The following CTXN3 variants were observed in gnomAD, a reference collection of about 807,000 sequenced individuals.
CTXN3 encodes the protein cortexin-3.
A neutral mutation model predicts 5.0 loss-of-function variants in CTXN3; 4 were observed. The ratio of observed to expected loss-of-function variants is 0.79; its 90% confidence interval spans 0.39 to 1.82. CTXN3 has a LOEUF of 1.82. CTXN3 is among the 40% of genes most tolerant of loss of function. CTXN3 has a pLI of 0.04. For missense variants in CTXN3, 89 were observed against 99.7 expected (o/e 0.89, Z 0.46); for synonymous variants, 48 against 38.6 (o/e 1.24, Z -0.91).
At chr5:127,652,643 T>C (rs558167521) in intron 1 of CTXN3, among the ~76,000 whole-genome samples, 11 of 151,050 alleles carry the variant, frequency 7.3e-5, no homozygotes, top group African/African-American at 2.2e-4. Flanking sequence ...AGAGGAAAGA[T>C]GCTTGCCTCA....
chr5:127,656,299 T>C (rs1749905438), intron 2 of CTXN3, among the ~76,000 whole-genome samples: 1 of 152,212 alleles, frequency 6.6e-6, no homozygotes, highest in South Asian at 2.1e-4. Context: ...CTGTGTATAC[T>C]TGTCATGTAT....
At position 127,657,913 on chromosome 5, in the gene CTXN3, G is replaced by T; in HGVS notation, c.*146G>T. The T allele has an allele frequency of 1.1e-6, 1 of 946,286 alleles. No homozygotes were observed. The highest frequency in any genetic ancestry group is 2.8e-5 in the Admixed American group (1 of 35,198). The allele number at this position is 946,286 out of a possible 1,614,324, so 58.6% of individuals were successfully genotyped here. A position where few individuals can be genotyped will look rare whatever the true frequency, so the allele number is the denominator to read the frequency against. On this transcript the variant is annotated 3_prime_UTR_variant, in exon 3 of 3. Transcript: ENST00000379445. ...TCCATTATTCCATAAATATGCAGTT[G>T]GGTTAAAGACATTTGAGGATGTTGG...
At chr5:127,655,874 G>T (rs1286273646) in intron 2 of CTXN3, among the ~76,000 whole-genome samples, 2 of 152,176 alleles carry the variant, frequency 1.3e-5, no homozygotes, top group African/African-American at 2.4e-5. Flanking sequence ...CAAAAATGAT[G>T]CATTACCCGA....
intron 2 of CTXN3, among the ~76,000 whole-genome samples, chr5:127,657,046 C>T (rs940653427): frequency 1.2e-4 from 19 of 152,148 alleles, no homozygotes; most frequent in African/African-American, 4.1e-4. Flanking sequence ...CCCTCAATGG[C>T]GCTATCGTAA....
chr5:127,652,731 T>C (rs1242142275), intron 1 of CTXN3, among the ~76,000 whole-genome samples: 1 of 151,854 alleles, frequency 6.6e-6, no homozygotes, highest in African/African-American at 2.4e-5. Context: ...AACCTGGAGG[T>C]GTTAGAGCAC....
At position 127,657,515 on chromosome 5, in the gene CTXN3, C is replaced by G. The variant is rs773305250; in HGVS notation, c.-7C>G. 1.2e-6 allele frequency: 2 copies of G among 1,613,904 alleles called. No homozygotes were observed. The highest frequency in any genetic ancestry group is 1.1e-5 in the South Asian group (1 of 91,074). Reference sequence around the variant, plus strand: ...CAGGATATCCTGTGCTCTGGCTTCCCTGGACCATGGATGGAGGACAGCCCA... The same window carrying G: ...CAGGATATCCTGTGCTCTGGCTTCCGTGGACCATGGATGGAGGACAGCCCA... On this transcript the variant is annotated 5_prime_UTR_variant, in exon 3 of 3. Coordinates refer to ENST00000379445, the MANE Select transcript of CTXN3 (RefSeq NM_001048252.3).
In CTXN3 at chr5:127,658,086, T is replaced by C; in HGVS notation, c.*319T>C. ...TGCCATCAAACAAAACACCACCTGA[T>C]CTGACTAAAGAATAAAAGACTAGAA... On this transcript the variant is annotated 3_prime_UTR_variant, in exon 3 of 3. Transcript: ENST00000379445. 1 of 315,530 alleles carries C rather than the reference T, an allele frequency of 3.2e-6. No individual in the cohort carries two copies. The highest frequency in any genetic ancestry group is 3.8e-5 in the South Asian group (1 of 26,416). 19.5% of individuals were successfully genotyped at this position (315,530 alleles called of 1,614,324 possible).
intron 2 of CTXN3, chr5:127,653,841 G>C (rs1749845610): frequency 6.6e-6 from 1 of 152,090 alleles, no homozygotes; most frequent in African/African-American, 2.4e-5. Context: ...ATCAGTCCTG[G>C]GCAAAATTGT....
intron 2 of CTXN3, among the ~76,000 whole-genome samples, chr5:127,656,275 GC>G (rs535507300): frequency 7.2e-4 from 110 of 152,178 alleles, no homozygotes; most frequent in African/African-American, 2.5e-3. Context: ...AGTATCTGAA[GC>G]TTTTAACGAC....
At chr5:127,651,244 G>A (rs963358487) in intron 1 of CTXN3, among the ~76,000 whole-genome samples, 5 of 152,178 alleles carry the variant, frequency 3.3e-5, no homozygotes, top group Admixed American at 6.5e-5. Context: ...TTGCTCAATG[G>A]ATGGGCTGTT....
In CTXN3 at chr5:127,657,824, G is replaced by T. The variant is rs771072325; in HGVS notation, c.*57G>T. 1.3e-6 allele frequency: 2 copies of T among 1,595,584 alleles called. No homozygotes were observed. Among genetic ancestry groups the T allele is most frequent in the Non-Finnish European group, 1.7e-6 (2 of 1,166,932 alleles). Reference sequence around the variant, plus strand: ...ATGAAGTGCTTTGTGTCTTGGTGAGGATTCCCTTTATTTAGTGTTCTCAAC... The same window carrying T: ...ATGAAGTGCTTTGTGTCTTGGTGAGTATTCCCTTTATTTAGTGTTCTCAAC... On this transcript the variant is annotated 3_prime_UTR_variant, in exon 3 of 3. Coordinates refer to ENST00000379445, the MANE Select transcript of CTXN3 (RefSeq NM_001048252.3).
At chr5:127,656,019 G>T (rs1749899757) in intron 2 of CTXN3, among the ~76,000 whole-genome samples, 1 of 152,078 alleles carries the variant, frequency 6.6e-6, no homozygotes, top group African/African-American at 2.4e-5. Context: ...GTACTTGAAG[G>T]CAATGATTAT....
intron 1 of CTXN3, chr5:127,651,716 T>C (rs1172060194): frequency 1.3e-5 from 2 of 152,004 alleles, no homozygotes; most frequent in Admixed American, 6.6e-5. Flanking sequence ...TTGCACCCTA[T>C]TGCAAAAGGG....
chr5:127,655,406 G>T (rs937826732), intron 2 of CTXN3, among the ~76,000 whole-genome samples: 3 of 152,222 alleles, frequency 2.0e-5, no homozygotes, highest in Non-Finnish European at 4.4e-5. Flanking sequence ...AGGAGAGCAG[G>T]AATCAAAGTG....
At position 127,658,414 on chromosome 5, in the gene CTXN3, C is replaced by T. The variant is rs1253653992; in HGVS notation, c.*647C>T. On this transcript the variant is annotated 3_prime_UTR_variant, in exon 3 of 3. Coordinates refer to ENST00000379445, the MANE Select transcript of CTXN3 (RefSeq NM_001048252.3). Reference sequence around the variant, plus strand: ...TAAAAACTATTTACCAAGCCAACTACATTATATGTATTCATATTAATAACA... The same window carrying T: ...TAAAAACTATTTACCAAGCCAACTATATTATATGTATTCATATTAATAACA... 1.2e-5 allele frequency: 2 copies of T among 167,448 alleles called. No individual in the cohort carries two copies. Among genetic ancestry groups the T allele is most frequent in the East Asian group, 3.9e-4 (2 of 5,190 alleles). The allele number at this position is 167,448 out of a possible 1,614,324, so 10.4% of individuals were successfully genotyped here. A position where few individuals can be genotyped will look rare whatever the true frequency, so the allele number is the denominator to read the frequency against.
At chr5:127,655,765 G>A (rs1441067971) in intron 2 of CTXN3, among the ~76,000 whole-genome samples, 4 of 152,102 alleles carry the variant, frequency 2.6e-5, no homozygotes, top group East Asian at 1.9e-4. Context: ...TTAAAATGCG[G>A]TCAAATTTTT....
rs2126744563 is a variant in CTXN3 at position 127,657,807 on chromosome 5, C to A, written c.*40C>A. ...GATCTCCTCCTGAGGAGATGAAGTG[C>A]TTTGTGTCTTGGTGAGGATTCCCTT... On this transcript the variant is annotated 3_prime_UTR_variant, in exon 3 of 3. Transcript: ENST00000379445. The A allele has an allele frequency of 1.9e-6, 3 of 1,609,436 alleles. No homozygotes were observed. Among genetic ancestry groups the A allele is most frequent in the Non-Finnish European group, 2.5e-6 (3 of 1,176,828 alleles).
intron 1 of CTXN3, among the ~76,000 whole-genome samples, chr5:127,651,507 C>T (rs562500734): frequency 3.7e-4 from 56 of 152,048 alleles, no homozygotes; most frequent in African/African-American, 1.4e-3. Context: ...TTTTTGGTAA[C>T]GATTTTTATA....
Position 127,650,688 on chromosome 5 carries a change from C to G in CTXN3, c.-207+1300C>G, listed in dbSNP as rs534179019. On this transcript the variant is annotated intron_variant, in intron 1 of 2. Transcript: ENST00000379445. Reference sequence around the variant, plus strand: ...CAAGTTACTGTTCACTAGAATAATACACAGAATTTCTAAAAGATTTGTAGG... The same window carrying G: ...CAAGTTACTGTTCACTAGAATAATAGACAGAATTTCTAAAAGATTTGTAGG... 1.5e-4 allele frequency among the ~76,000 whole-genome samples: 23 copies of G among 152,258 alleles called. No individual in the cohort carries two copies. The East Asian group carries it at 4.4e-3, about 29-fold the overall frequency.
Sources: gnomAD v4.1 joint callset for allele counts (sites outside exome capture counted in the v4.1 genomes callset) on GRCh38, gnomAD v4.1.1 for gene constraint, MANE v1.5 for transcripts, NCBI Gene and HGNC (gene_info 2026-07-23, HGNC 2026-07-21) for gene names.